The following HS3ST4 variants were observed in gnomAD, a reference collection of about 807,000 sequenced individuals.
The protein encoded by HS3ST4 is heparan sulfate-glucosamine 3-sulfotransferase 4.
HS3ST4 carries 17 observed loss-of-function variants against 29.2 expected under a neutral mutation model. The ratio of observed to expected loss-of-function variants is 0.58; its 90% CI spans 0.40 to 0.87. The LOEUF (loss-of-function observed/expected upper bound fraction) is 0.87. Ranked by LOEUF, HS3ST4 falls within the 40% of genes least tolerant of loss-of-function variation. The pLI is 0.00. For missense variants in HS3ST4, 627 were observed against 634.5 expected (o/e 0.99, Z 0.13); for synonymous variants, 314 against 285.7 (o/e 1.10, Z -1.00).
At chr16:25,988,853 A>T (rs113917226) in intron 1 of HS3ST4, among the ~76,000 whole-genome samples, 1,690 of 152,290 alleles carry the variant, frequency 0.011, 5 homozygotes, top group Non-Finnish European at 0.015. Context: ...TGTACCCCTG[A>T]ACTTAATAAA....
intron 1 of HS3ST4, among the ~76,000 whole-genome samples, chr16:25,852,433 G>A (rs1285822094): frequency 1.3e-5 from 2 of 152,012 alleles, no homozygotes; most frequent in East Asian, 1.9e-4. Flanking sequence ...CATGTACCTG[G>A]CCATGCTTTG....
intron 1 of HS3ST4, among the ~76,000 whole-genome samples, chr16:25,867,671 G>A (rs1248847518): frequency 2.0e-5 from 3 of 152,074 alleles, no homozygotes; most frequent in East Asian, 1.9e-4. Context: ...CTTGGGACTC[G>A]GCTAGTATCT....
chr16:25,741,790 T>C (rs1413782812), intron 1 of HS3ST4, among the ~76,000 whole-genome samples: 2 of 152,050 alleles, frequency 1.3e-5, no homozygotes, highest in Non-Finnish European at 2.9e-5. Context: ...CACAATCCCT[T>C]ATACCAGTAA....
At chr16:25,881,641 G>T (rs997483343) in intron 1 of HS3ST4, among the ~76,000 whole-genome samples, 2 of 151,994 alleles carry the variant, frequency 1.3e-5, no homozygotes, top group African/African-American at 4.8e-5. Context: ...TATCATCGTG[G>T]GGCTCTTATC....
At chr16:25,938,719 T>C (rs1450428854) in intron 1 of HS3ST4, among the ~76,000 whole-genome samples, 1 of 152,168 alleles carries the variant, frequency 6.6e-6, no homozygotes, top group East Asian at 1.9e-4. Context: ...GCCTCCATTT[T>C]CCATGTCCCC....
chr16:25,780,873 AT>A (rs1341700322), intron 1 of HS3ST4, among the ~76,000 whole-genome samples: 1 of 152,088 alleles, frequency 6.6e-6, no homozygotes, highest in African/African-American at 2.4e-5. Flanking sequence ...GTCTCTTTAT[AT>A]TTACTCAGTG....
At position 25,809,469 on chromosome 16, in the gene HS3ST4, C is replaced by T. The variant is rs181512251; in HGVS notation, c.734+116318C>T. ...CATCTAGTTCATGTGAAGTATTGAT[C>T]GGTATTTTCTTTTTTGTACTGTCTT... On this transcript the variant is annotated intron_variant, in intron 1 of 1. Coordinates refer to ENST00000331351, the MANE Select transcript of HS3ST4 (RefSeq NM_006040.3). Among the ~76,000 whole-genome samples, 184 of 152,082 alleles carry T rather than the reference C, an allele frequency of 1.2e-3. 2 individuals carry two copies. The highest frequency in any genetic ancestry group is 4.2e-3 in the African/African-American group (175 of 41,510).
intron 1 of HS3ST4, among the ~76,000 whole-genome samples, chr16:26,050,634 G>A (rs1035202733): frequency 1.7e-4 from 26 of 152,254 alleles, no homozygotes; most frequent in African/African-American, 4.6e-4. Flanking sequence ...GATTCCTTCC[G>A]CACCACTCAC....
chr16:26,102,690 G>A lies in HS3ST4; in HGVS notation c.735-32922G>A, dbSNP rs142100823. Reference sequence around the variant, plus strand: ...AATGTTACGTGATTTACTTTCTCTGGGTTTTAGCTTATTTGCTCATGTTCT... The same window carrying A: ...AATGTTACGTGATTTACTTTCTCTGAGTTTTAGCTTATTTGCTCATGTTCT... On this transcript the variant is annotated intron_variant, in intron 1 of 1. Transcript: ENST00000331351. Among the ~76,000 whole-genome samples, 199 of 152,234 alleles carry A rather than the reference G, an allele frequency of 1.3e-3. 1 individual carries two copies. The highest frequency in any genetic ancestry group is 4.6e-3 in the African/African-American group (191 of 41,540).
At chr16:26,021,939 G>C (rs1398289853) in intron 1 of HS3ST4, among the ~76,000 whole-genome samples, 2 of 151,704 alleles carry the variant, frequency 1.3e-5, no homozygotes, top group Non-Finnish European at 2.9e-5. Context: ...TGGAATTACA[G>C]GTGTGAGCCA....
chr16:26,085,609 G>T (rs1219366981), intron 1 of HS3ST4, among the ~76,000 whole-genome samples: 2 of 152,108 alleles, frequency 1.3e-5, no homozygotes, highest in African/African-American at 4.8e-5. Flanking sequence ...AGTGGCTCAC[G>T]CCTATAATCC....
chr16:25,936,609 G>C (rs1968519200), intron 1 of HS3ST4, among the ~76,000 whole-genome samples: 1 of 152,202 alleles, frequency 6.6e-6, no homozygotes, highest in African/African-American at 2.4e-5. Flanking sequence ...GGTTAAAGCT[G>C]AAAATACATA....
At chr16:25,828,126 T>C (rs1967238500) in intron 1 of HS3ST4, among the ~76,000 whole-genome samples, 1 of 142,234 alleles carries the variant, frequency 7.0e-6, no homozygotes, top group Non-Finnish European at 1.5e-5. Flanking sequence ...AAGCAGCCCT[T>C]CCCTCCCTCC....
At chr16:26,052,450 A>G (rs1383984625) in intron 1 of HS3ST4, among the ~76,000 whole-genome samples, 1 of 152,134 alleles carries the variant, frequency 6.6e-6, no homozygotes, top group Non-Finnish European at 1.5e-5. Flanking sequence ...GGCTCAATGC[A>G]ACCTCTGCCT....
chr16:25,970,443 A>G (rs1310557952), intron 1 of HS3ST4, among the ~76,000 whole-genome samples: 1 of 152,246 alleles, frequency 6.6e-6, no homozygotes, highest in African/African-American at 2.4e-5. Flanking sequence ...ACTCATGGTT[A>G]AATATATCCC....
chr16:26,117,291 C>T (rs1020336355), intron 1 of HS3ST4, among the ~76,000 whole-genome samples: 2 of 152,178 alleles, frequency 1.3e-5, no homozygotes, highest in Non-Finnish European at 2.9e-5. Flanking sequence ...CCAGCACACT[C>T]AACTTATTTT....
chr16:26,104,792 C>A (rs1253977191), intron 1 of HS3ST4, among the ~76,000 whole-genome samples: 1 of 152,224 alleles, frequency 6.6e-6, no homozygotes, highest in Non-Finnish European at 1.5e-5. Flanking sequence ...TTCCTCTTCT[C>A]TAAAAATGGC....
At chr16:26,035,490 A>C (rs1398488174) in intron 1 of HS3ST4, among the ~76,000 whole-genome samples, 3 of 152,208 alleles carry the variant, frequency 2.0e-5, no homozygotes, top group Non-Finnish European at 4.4e-5. Context: ...TTTCAGAGCT[A>C]CCTCTATTGG....
At chr16:25,845,679 A>AATAAT (rs1967459746) in intron 1 of HS3ST4, among the ~76,000 whole-genome samples, 1 of 149,574 alleles carries the variant, frequency 6.7e-6, no homozygotes, top group Non-Finnish European at 1.5e-5. Context: ...TAATAATAAT[A>AATAAT]ATAATAGAAT....
Sources: gnomAD v4.1 joint callset for allele counts (sites outside exome capture counted in the v4.1 genomes callset) on GRCh38, gnomAD v4.1.1 for gene constraint, MANE v1.5 for transcripts, NCBI Gene and HGNC (gene_info 2026-07-23, HGNC 2026-07-21) for gene names.